The following VPS13D variants were observed in gnomAD, a reference collection of about 807,000 sequenced individuals.
VPS13D encodes vacuolar protein sorting 13 homolog D, also known as intermembrane lipid transfer protein VPS13D.
A neutral mutation model predicts 461.9 loss-of-function variants in VPS13D; 187 were observed. The ratio of observed to expected loss-of-function variants is 0.40; its 90% CI spans 0.36 to 0.46. The LOEUF is 0.46. Among genes scored for constraint, VPS13D ranks in the 20% least tolerant of loss-of-function variants. The pLI, the probability that VPS13D is intolerant of heterozygous loss-of-function variation, is 0.60. For missense variants in VPS13D, 4,711 were observed against 5,364.9 expected (o/e 0.88, Z 3.81); for synonymous variants, 1,951 against 1,986.3 (o/e 0.98, Z 0.47).
intron 65 of VPS13D, among the ~76,000 whole-genome samples, chr1:12,445,755 G>A (rs1645184595): frequency 6.6e-6 from 1 of 152,168 alleles, no homozygotes. Flanking sequence ...TTTCATTTGA[G>A]CCTGGGATCA....
At chr1:12,323,464 TC>T (rs35582380) in intron 34 of VPS13D, among the ~76,000 whole-genome samples, 32 of 149,946 alleles carry the variant, frequency 2.1e-4, no homozygotes, top group Admixed American at 3.3e-4. Context: ...AAATAGACCT[TC>T]CCCCCCCACC....
chr1:12,506,754 C>T lies in VPS13D; in HGVS notation c.12795-99C>T, dbSNP rs79828933. The T allele has an allele frequency of 2.1e-3, 3,024 of 1,468,138 alleles. 83 individuals are homozygous for T. In the East Asian group the frequency reaches 0.058, roughly 28 times the overall value. The allele number at this position is 1,468,138 out of a possible 1,614,324, so 90.9% of individuals were successfully genotyped here. The stretch of plus-strand genomic sequence containing the variant: ...ATTTCCCGGCAAGGGGGCCGGGATT[C>T]GCACTCAGGCCCTGGGGCCACAGAG... On this transcript the variant is annotated intron_variant, in intron 68 of 69. Coordinates refer to ENST00000620676, the MANE Select transcript of VPS13D (RefSeq NM_015378.4).
intron 67 of VPS13D, among the ~76,000 whole-genome samples, chr1:12,470,802 A>G (rs1445810703): frequency 1.3e-5 from 2 of 152,080 alleles, no homozygotes; most frequent in Non-Finnish European, 2.9e-5. Flanking sequence ...AAAACAACAA[A>G]ATTGCATTTG....
Position 12,335,824 on chromosome 1 carries a change from C to T in VPS13D, c.8548C>T (p.Gln2850Ter). ...GSSVDPPCFG[Q>*]SLPLVYLRTR... is the part of the protein sequence containing the mutation. ...TTCGGTGGATCCTCCATGTTTTGGA[C>T]AAAGTAAGAGTTTTCACTACATGTG... Residue 2850 changes from glutamine (Q) to a stop codon, truncating the protein, a stop_gained, in exon 39 of 70, where the codon CAA becomes TAA. Coordinates refer to ENST00000620676, the MANE Select transcript of VPS13D (RefSeq NM_015378.4). LOFTEE classifies it high-confidence loss of function. 6.2e-7 allele frequency: 1 copy of T among 1,614,036 alleles called. No homozygotes were observed. The highest frequency in any genetic ancestry group is 8.5e-7 in the Non-Finnish European group (1 of 1,179,948).
chr1:12,268,766 A>T lies in VPS13D; in HGVS notation c.1862A>T (p.His621Leu), dbSNP rs896659774. ...TATGAGAGAAATCCGGCGCACAGCC[A>T]CTTTGAGAGGCGGCTCAATGTCAGC... ...MLYERNPAHS[H>L]FERRLNVSTR... The change falls in exon 16 of 70, where the codon CAC (histidine) becomes CTC (leucine). Residue 621 changes from histidine (H) to leucine (L), a missense_variant. By Grantham distance (99) the His-to-Leu change is moderately conservative (BLOSUM62 -3). Transcript: ENST00000620676. 2.0e-5 allele frequency: 32 copies of T among 1,614,026 alleles called. No individual in the cohort carries two copies. Among genetic ancestry groups the T allele is most frequent in the Non-Finnish European group, 2.5e-5 (30 of 1,180,016 alleles).
At chr1:12,330,024 GT>G in intron 37 of VPS13D, 106 bp downstream of exon 37, 2 of 554,344 alleles carry the variant, frequency 3.6e-6, no homozygotes, top group Non-Finnish European at 3.1e-6. Flanking sequence ...CAGGGGTGGG[GT>G]GGGACGGGGA....
At position 12,299,752 on chromosome 1, in the gene VPS13D, G is replaced by A. The variant is rs1214164171; in HGVS notation, c.6216+368G>A. On this transcript the variant is annotated intron_variant, in intron 25 of 69. Transcript: ENST00000620676. The surrounding 1 kb of genome is among the most constrained non-coding windows in gnomAD (Gnocchi z 4.2). ...TTTATAATGCTTTCTTTATATAAAAGCATTCCTTCTATAATATAAACGTTT... is the reference window on the plus strand; with the variant it reads ...TTTATAATGCTTTCTTTATATAAAAACATTCCTTCTATAATATAAACGTTT... 6.6e-6 allele frequency among the ~76,000 whole-genome samples: 1 copy of A among 151,988 alleles called. No individual in the cohort carries two copies. The highest frequency in any genetic ancestry group is 2.4e-5 in the African/African-American group (1 of 41,366).
intron 67 of VPS13D, among the ~76,000 whole-genome samples, chr1:12,463,163 A>G (rs998820122): frequency 6.6e-6 from 1 of 152,190 alleles, no homozygotes; most frequent in African/African-American, 2.4e-5. Context: ...AGCTACCGTG[A>G]TCATTGAGGC....
chr1:12,499,973 G>A (rs939732304), intron 68 of VPS13D: 1 of 985,248 alleles, frequency 1.0e-6, no homozygotes, highest in African/African-American at 1.7e-5. Flanking sequence ...TTTCCCTTCA[G>A]AGTTAACCCC....
chr1:12,300,893 A>G (rs149324349), intron 25 of VPS13D, among the ~76,000 whole-genome samples: 1 of 152,308 alleles, frequency 6.6e-6, no homozygotes, highest in Non-Finnish European at 1.5e-5. Context: ...TGGTTTCCAC[A>G]GCAGCTCTTC....
intron 26 of VPS13D, among the ~76,000 whole-genome samples, chr1:12,306,416 T>C (rs1233819000): frequency 6.6e-6 from 1 of 152,230 alleles, no homozygotes; most frequent in Non-Finnish European, 1.5e-5. Flanking sequence ...CAGAGGGGGC[T>C]GCACCTGAGG....
chr1:12,501,510 C>T (rs1003270864), intron 68 of VPS13D, among the ~76,000 whole-genome samples: 2 of 152,188 alleles, frequency 1.3e-5, no homozygotes, highest in South Asian at 4.1e-4. Flanking sequence ...ATCAGGAGTT[C>T]TAAGAGAAGT....
intron 30 of VPS13D, among the ~76,000 whole-genome samples, chr1:12,315,411 A>G (rs1642861928): frequency 6.6e-6 from 1 of 152,180 alleles, no homozygotes. Flanking sequence ...CAGAGTAGAC[A>G]TTTACATTTT....
In VPS13D at chr1:12,409,637, C is replaced by T. The variant is rs529859219; in HGVS notation, c.12031-5450C>T. On this transcript the variant is annotated intron_variant, in intron 63 of 69. Transcript: ENST00000620676. ...TAGCATGAAAAAGTGTTTTTATATT[C>T]GGTAAGGAAGAGTATTTGGCATGCC... Among the ~76,000 whole-genome samples the T allele has an allele frequency of 5.9e-5, 9 of 152,116 alleles. No homozygotes were observed. In the South Asian group the frequency reaches 6.2e-4, roughly 11 times the overall value.
At chr1:12,361,517 TC>T (rs1643949347) in intron 50 of VPS13D, among the ~76,000 whole-genome samples, 1 of 149,744 alleles carries the variant, frequency 6.7e-6, no homozygotes, top group Non-Finnish European at 1.5e-5. Context: ...TGCCTCAGCC[TC>T]CCAAGTAGCT....
chr1:12,459,500 G>A (rs927287693), intron 66 of VPS13D, among the ~76,000 whole-genome samples: 5 of 60,748 alleles, frequency 8.2e-5, no homozygotes, highest in African/African-American at 3.3e-4. Flanking sequence ...TTTTTTTTTT[G>A]AGACAGTCTC....
intron 58 of VPS13D, among the ~76,000 whole-genome samples, chr1:12,383,489 AGAT>A (rs1314604461): frequency 6.6e-6 from 1 of 152,242 alleles, no homozygotes; most frequent in African/African-American, 2.4e-5. Flanking sequence ...AACAACAAGA[AGAT>A]ATGAGATCCT....
intron 46 of VPS13D, among the ~76,000 whole-genome samples, chr1:12,350,689 C>G (rs540780647): frequency 6.6e-6 from 1 of 151,876 alleles, no homozygotes; most frequent in Non-Finnish European, 1.5e-5. Flanking sequence ...ACAGCAAATT[C>G]AAAACAAATA....
At chr1:12,407,505 A>C (rs1301856904) in intron 63 of VPS13D, among the ~76,000 whole-genome samples, 3 of 152,190 alleles carry the variant, frequency 2.0e-5, no homozygotes, top group Non-Finnish European at 4.4e-5. Flanking sequence ...TGCTTGAGTA[A>C]ATAAGCATCA....
Sources: allele counts gnomAD v4.1 joint callset (sites outside exome capture counted in the v4.1 genomes callset), GRCh38; gene constraint gnomAD v4.1.1; non-coding constraint Gnocchi (gnomAD v3.1); transcripts MANE v1.5; gene names NCBI Gene and HGNC (gene_info 2026-07-23, HGNC 2026-07-21).